Variants in SH3KBP1 observed in about 807,000 individuals in gnomAD.
SH3KBP1 encodes SH3 domain containing kinase binding protein 1, also known as SH3 domain-containing kinase-binding protein 1.
A neutral mutation model predicts 50.1 loss-of-function variants in SH3KBP1; 8 were observed. The ratio of observed to expected loss-of-function variants is 0.16; its 90% CI spans 0.09 to 0.29. The LOEUF is 0.29. Ranked by LOEUF, SH3KBP1 falls within the 10% of genes least tolerant of loss-of-function variation. SH3KBP1 has a pLI of 1.00. For synonymous variants in SH3KBP1, 227 were observed against 218.6 expected, an observed-to-expected ratio of 1.04 and a Z score of -0.34; for missense variants, 377 against 535.2, an observed-to-expected ratio of 0.70 and a Z score of 2.92.
Position 19,653,243 on chromosome X carries a change from C to A in SH3KBP1, c.727-7768G>T, listed in dbSNP as rs776687701. Among the ~76,000 whole-genome samples, 6 of 111,721 alleles carry A rather than the reference C, an allele frequency of 5.4e-5. No individual in the cohort carries two copies. The South Asian group carries it at 1.9e-3, about 36-fold the overall frequency. On this transcript the variant is annotated intron_variant, in intron 6 of 17. Coordinates refer to ENST00000397821, the MANE Select transcript of SH3KBP1 (RefSeq NM_031892.3). ...TCAAGCGATCCTCCTGCCTTGGCCTCCCAAAGTGCCGGGATTACAGGCATG... is the reference window on the plus strand; with the variant it reads ...TCAAGCGATCCTCCTGCCTTGGCCTACCAAAGTGCCGGGATTACAGGCATG...
intron 8 of SH3KBP1, among the ~76,000 whole-genome samples, chrX:19,631,526 C>T (rs957508008): frequency 1.8e-5 from 2 of 112,668 alleles, no homozygotes; most frequent in African/African-American, 6.5e-5. Context: ...TCCTCGGATA[C>T]CTCAGGACAC....
chrX:19,541,199 G>A (rs2064881930), intron 16 of SH3KBP1, among the ~76,000 whole-genome samples: 1 of 112,324 alleles, frequency 8.9e-6, no homozygotes, highest in African/African-American at 3.2e-5. Context: ...TTACAGGCAT[G>A]AGCCACCATG....
chrX:19,631,514 C>T (rs1033196729), intron 8 of SH3KBP1, among the ~76,000 whole-genome samples: 5 of 112,188 alleles, frequency 4.5e-5, no homozygotes, highest in African/African-American at 1.3e-4. Context: ...AAAAAAAACT[C>T]CTCCTCGGAT....
At chrX:19,741,646 G>C (rs1193544527) in intron 3 of SH3KBP1, among the ~76,000 whole-genome samples, 2 of 111,854 alleles carry the variant, frequency 1.8e-5, no homozygotes, top group Non-Finnish European at 3.8e-5. Context: ...CATTCAGAAT[G>C]ACAGAAGTAA....
chrX:19,795,788 G>A (rs1486151307), intron 2 of SH3KBP1, among the ~76,000 whole-genome samples: 2 of 111,853 alleles, frequency 1.8e-5, no homozygotes, highest in African/African-American at 6.5e-5. Flanking sequence ...TAAATCAATG[G>A]TGTGTGTTTT....
rs755677391 is a variant in SH3KBP1 at position 19,610,958 on chromosome X, C to CA, written c.898-2914dup. 8.3e-4 allele frequency among the ~76,000 whole-genome samples: 93 copies of CA among 111,536 alleles called. No homozygotes were observed. In the East Asian group the frequency reaches 0.018, roughly 21 times the overall value. On this transcript the variant is annotated intron_variant, in intron 8 of 17. Coordinates refer to ENST00000397821, the MANE Select transcript of SH3KBP1 (RefSeq NM_031892.3). ...GGAGTGCAGTGGCATGATCTCGGCT[C>CA]ACTGCAGCCTTGACTTCTTGGGTTC... is the stretch of plus-strand genomic sequence containing the variant.
chrX:19,724,248 GA>G (rs909045736), intron 3 of SH3KBP1, among the ~76,000 whole-genome samples: 1 of 111,270 alleles, frequency 9.0e-6, no homozygotes, highest in African/African-American at 3.3e-5. Context: ...TTCATTTGCA[GA>G]ATAGAGAAAG....
intron 2 of SH3KBP1, among the ~76,000 whole-genome samples, chrX:19,779,396 C>T (rs2036690301): frequency 9.2e-6 from 1 of 108,367 alleles, no homozygotes; most frequent in African/African-American, 3.4e-5. Flanking sequence ...ATCTGCTTGG[C>T]TTTAGGTCTA....
chrX:19,548,146 T>C (rs2065136070), intron 14 of SH3KBP1, among the ~76,000 whole-genome samples: 2 of 112,324 alleles, frequency 1.8e-5, no homozygotes, highest in African/African-American at 6.5e-5. Context: ...GTTGAATGAA[T>C]GAACAACTGT....
At chrX:19,740,718 G>A (rs1263784378) in intron 3 of SH3KBP1, 1 of 302,854 alleles carries the variant, frequency 3.3e-6, no homozygotes, top group East Asian at 1.1e-4. Context: ...CAAACCACTG[G>A]CAAACCAAAG....
At chrX:19,570,529 G>A (rs2065976164) in intron 12 of SH3KBP1, among the ~76,000 whole-genome samples, 1 of 111,386 alleles carries the variant, frequency 9.0e-6, no homozygotes, top group African/African-American at 3.3e-5. Context: ...TGTTTTGTCT[G>A]GGAGGCAATG....
At position 19,536,365 on chromosome X, in the gene SH3KBP1, A is replaced by T; in HGVS notation, c.*52T>A. 2.3e-6 allele frequency: 2 copies of T among 865,032 alleles called. No homozygotes were observed. The highest frequency in any genetic ancestry group is 3.3e-6 in the Non-Finnish European group (2 of 605,419). 71.3% of individuals were successfully genotyped at this position (865,032 alleles called of 1,213,427 possible). A position where few individuals can be genotyped will look rare whatever the true frequency, so the allele number is the denominator to read the frequency against. ...AAGATTATTTTGGCTGGGGCAGAAA[A>T]TTTGAGTCTCGGACTCAGGATGAAT... is the stretch of plus-strand genomic sequence containing the variant. On this transcript the variant is annotated 3_prime_UTR_variant, in exon 18 of 18. Transcript: ENST00000397821.
At chrX:19,750,552 C>T (rs948734325) in intron 2 of SH3KBP1, among the ~76,000 whole-genome samples, 1 of 112,185 alleles carries the variant, frequency 8.9e-6, no homozygotes, top group African/African-American at 3.2e-5. Flanking sequence ...GAACAGCAAA[C>T]CACAAGTCTC....
chrX:19,647,176 G>T (rs1744858774), intron 6 of SH3KBP1, among the ~76,000 whole-genome samples: 1 of 110,388 alleles, frequency 9.1e-6, no homozygotes. Flanking sequence ...ATTAGGAAGA[G>T]GAAAACAAAA....
chrX:19,827,185 A>G (rs2067708231), intron 2 of SH3KBP1, among the ~76,000 whole-genome samples: 1 of 112,226 alleles, frequency 8.9e-6, no homozygotes, highest in African/African-American at 3.2e-5. Context: ...GGTTATGCTC[A>G]GCACACATAG....
intron 16 of SH3KBP1, 125 bp downstream of exon 16, chrX:19,541,800 C>T: frequency 2.6e-6 from 2 of 756,077 alleles, no homozygotes; most frequent in South Asian, 2.6e-5. Flanking sequence ...ACCATTGCTG[C>T]CACCATCAAC....
intron 15 of SH3KBP1, among the ~76,000 whole-genome samples, chrX:19,542,940 T>C (rs2064972622): frequency 8.9e-6 from 1 of 112,013 alleles, no homozygotes; most frequent in Non-Finnish European, 1.9e-5. Flanking sequence ...CCATGCTGGC[T>C]GCAGAAAGGC....
intron 12 of SH3KBP1, among the ~76,000 whole-genome samples, chrX:19,583,684 T>C (rs1338960468): frequency 9.2e-6 from 1 of 108,637 alleles, no homozygotes; most frequent in Non-Finnish European, 1.9e-5. Flanking sequence ...TTTTCCTAGA[T>C]ATAATTCCTA....
chrX:19,554,014 A>AT, intron 13 of SH3KBP1, among the ~76,000 whole-genome samples: 1 of 56,864 alleles, frequency 1.8e-5, no homozygotes, highest in African/African-American at 1.0e-4. Context: ...TATAATATAT[A>AT]ATATATATTA....
Sources: gnomAD v4.1 joint callset for allele counts (sites outside exome capture counted in the v4.1 genomes callset) on GRCh38, gnomAD v4.1.1 for gene constraint, MANE v1.5 for transcripts, NCBI Gene and HGNC (gene_info 2026-07-23, HGNC 2026-07-21) for gene names.